The following RBFOX1 variants were observed in gnomAD, a reference collection of about 807,000 sequenced individuals.
RBFOX1 encodes RNA binding protein fox-1 homolog 1.
A neutral mutation model predicts 57.7 loss-of-function variants in RBFOX1; 8 were observed. The ratio of observed to expected loss-of-function variants is 0.14; its 90% CI spans 0.08 to 0.25. The LOEUF is 0.25. Ranked by LOEUF, RBFOX1 falls within the 10% of genes least tolerant of loss-of-function variation. RBFOX1 has a pLI of 1.00. For missense variants in RBFOX1, 611 were observed against 548.5 expected (o/e 1.11, Z -1.14); for synonymous variants, 326 against 222.4 (o/e 1.47, Z -4.15).
chr16:7,552,576 C>T (rs777280653), intron 5 of RBFOX1, among the ~76,000 whole-genome samples: 3 of 152,134 alleles, frequency 2.0e-5, no homozygotes, highest in African/African-American at 4.8e-5. Context: ...TTAATATGTG[C>T]GGCAGAAGCA....
At chr16:6,888,303 G>C (rs185341623) in intron 3 of RBFOX1, among the ~76,000 whole-genome samples, 1 of 152,190 alleles carries the variant, frequency 6.6e-6, no homozygotes, top group Non-Finnish European at 1.5e-5. Context: ...TCCTGCTCTT[G>C]AAAGTAGTTA....
At chr16:6,699,792 C>T (rs2061558712) in intron 3 of RBFOX1, among the ~76,000 whole-genome samples, 1 of 152,058 alleles carries the variant, frequency 6.6e-6, no homozygotes, top group Non-Finnish European at 1.5e-5. Context: ...TGAACACATG[C>T]AGGCACGGTG....
chr16:7,181,945 A>G (rs911649463), intron 4 of RBFOX1, among the ~76,000 whole-genome samples: 5 of 152,220 alleles, frequency 3.3e-5, no homozygotes, highest in African/African-American at 1.2e-4. Context: ...GTCGAAATAC[A>G]GGAAGGAAAA....
chr16:5,429,726 G>T (rs941693087), intron 1 of RBFOX1, among the ~76,000 whole-genome samples: 2 of 152,164 alleles, frequency 1.3e-5, no homozygotes, highest in African/African-American at 4.8e-5. Context: ...ATACATCACT[G>T]TGCCATAATT....
At chr16:6,224,201 A>G (rs1049242219) in intron 1 of RBFOX1, among the ~76,000 whole-genome samples, 13 of 143,308 alleles carry the variant, frequency 9.1e-5, no homozygotes, top group Non-Finnish European at 1.7e-4. Flanking sequence ...TTTTGGTTCC[A>G]TATGAACTTT....
intron 4 of RBFOX1, among the ~76,000 whole-genome samples, chr16:7,406,328 A>G (rs1368975725): frequency 1.3e-5 from 2 of 152,150 alleles, no homozygotes; most frequent in Non-Finnish European, 2.9e-5. Flanking sequence ...GTTGAGTGGG[A>G]TTACTGCACT....
At chr16:6,846,717 G>A (rs781638026) in intron 3 of RBFOX1, among the ~76,000 whole-genome samples, 1 of 152,144 alleles carries the variant, frequency 6.6e-6, no homozygotes, top group Non-Finnish European at 1.5e-5. Flanking sequence ...GGAGAATAAG[G>A]CTGAGCTCTC....
chr16:6,770,572 C>G (rs2078119816), intron 3 of RBFOX1, among the ~76,000 whole-genome samples: 3 of 151,350 alleles, frequency 2.0e-5, no homozygotes, highest in South Asian at 2.1e-4. Flanking sequence ...GGGAATCTCA[C>G]AATTTCAAGG....
intron 2 of RBFOX1, among the ~76,000 whole-genome samples, chr16:6,494,979 T>C (rs115072471): frequency 0.033 from 4,967 of 152,206 alleles, 241 homozygotes; most frequent in African/African-American, 0.1. Flanking sequence ...TGTTCTTACT[T>C]ATGGAGGAAA....
At chr16:5,333,461 C>T (rs1033893451) in intron 1 of RBFOX1, among the ~76,000 whole-genome samples, 1 of 151,952 alleles carries the variant, frequency 6.6e-6, no homozygotes, top group African/African-American at 2.4e-5. Context: ...GAAGAGTTTA[C>T]AGATCCCCCG....
chr16:7,304,261 C>G, intron 4 of RBFOX1: 1 of 983,256 alleles, frequency 1.0e-6, no homozygotes, highest in Non-Finnish European at 1.2e-6. Context: ...CGCGAGCCAC[C>G]GGTCATTGAC....
At chr16:6,969,984 T>G (rs1479130361) in intron 3 of RBFOX1, among the ~76,000 whole-genome samples, 1 of 151,954 alleles carries the variant, frequency 6.6e-6, no homozygotes, top group Admixed American at 6.6e-5. Flanking sequence ...TAATATAAAG[T>G]CCTTACAAGC....
intron 1 of RBFOX1, among the ~76,000 whole-genome samples, chr16:5,285,156 T>A (rs1392788787): frequency 6.6e-6 from 1 of 152,222 alleles, no homozygotes; most frequent in Non-Finnish European, 1.5e-5. Context: ...CTCTTTTTTC[T>A]TTCTTTTTGT....
chr16:7,380,959 C>A (rs1474788378), intron 4 of RBFOX1, among the ~76,000 whole-genome samples: 1 of 152,166 alleles, frequency 6.6e-6, no homozygotes, highest in East Asian at 1.9e-4. Flanking sequence ...TTTTGAATCT[C>A]CAGAGTTCTC....
At chr16:6,168,832 A>T (rs2096937159) in intron 1 of RBFOX1, among the ~76,000 whole-genome samples, 1 of 146,548 alleles carries the variant, frequency 6.8e-6, no homozygotes, top group Non-Finnish European at 1.5e-5. Context: ...TTTTTTTTTT[A>T]AACACTCTCC....
chr16:5,977,084 C>G (rs2060078958), intron 4 of RBFOX1, among the ~76,000 whole-genome samples: 1 of 152,128 alleles, frequency 6.6e-6, no homozygotes. Flanking sequence ...GCCCAGGAAT[C>G]TGCATGGTGG....
chr16:7,032,282 C>CA (rs2043002922), intron 3 of RBFOX1, among the ~76,000 whole-genome samples: 1 of 151,478 alleles, frequency 6.6e-6, no homozygotes, highest in African/African-American at 2.4e-5. Context: ...AAAACAAAAA[C>CA]AAAACAAAAA....
At chr16:6,381,902 G>C (rs954612445) in intron 2 of RBFOX1, among the ~76,000 whole-genome samples, 2 of 152,220 alleles carry the variant, frequency 1.3e-5, no homozygotes, top group Non-Finnish European at 2.9e-5. Context: ...CTGCACTGCA[G>C]ATTCCACGAG....
intron 5 of RBFOX1, among the ~76,000 whole-genome samples, chr16:7,579,384 C>T (rs1226589711): frequency 6.6e-6 from 1 of 152,134 alleles, no homozygotes; most frequent in African/African-American, 2.4e-5. Flanking sequence ...TTATTACCCC[C>T]TTCTTGATGA....
Sources: gnomAD v4.1 joint callset for allele counts (sites outside exome capture counted in the v4.1 genomes callset) on GRCh38, gnomAD v4.1.1 for gene constraint, MANE v1.5 for transcripts, NCBI Gene and HGNC (gene_info 2026-07-23, HGNC 2026-07-21) for gene names.